DTNB: variants seen among roughly 807,000 people sequenced by gnomAD.
The protein encoded by DTNB is dystrobrevin beta, also known as DTN-B.
DTNB carries 63 observed loss-of-function variants against 90.7 expected under a neutral mutation model. That is an observed-to-expected ratio of 0.69 (90% CI 0.57 to 0.86). DTNB has a LOEUF of 0.86. DTNB is among the 40% of genes least tolerant of loss of function. The probability of loss-of-function intolerance (pLI) is 0.00; values close to 1 mark genes in which losing one functional copy is unlikely to be tolerated. For synonymous variants in DTNB, 277 were observed against 286.7 expected (o/e 0.97, Z 0.34); for missense variants, 744 against 807.1 (o/e 0.92, Z 0.95).
chr2:25,488,138 G>T (rs1025124920), intron 9 of DTNB, among the ~76,000 whole-genome samples: 5 of 152,130 alleles, frequency 3.3e-5, no homozygotes, highest in African/African-American at 1.2e-4. Flanking sequence ...TATCATGTAG[G>T]ATATATTGGG....
At chr2:25,436,584 A>G (rs1359925597) in intron 12 of DTNB, among the ~76,000 whole-genome samples, 1 of 152,228 alleles carries the variant, frequency 6.6e-6, no homozygotes, top group Admixed American at 6.5e-5. Context: ...ACAGCATAGC[A>G]AATCTGGGTA....
At chr2:25,481,297 C>T (rs2064889600) in intron 10 of DTNB, among the ~76,000 whole-genome samples, 1 of 151,000 alleles carries the variant, frequency 6.6e-6, no homozygotes, top group African/African-American at 2.4e-5. Context: ...TCCAGCTAGT[C>T]GGGAGGCTGA....
At chr2:25,483,058 G>C (rs984964708) in intron 9 of DTNB, among the ~76,000 whole-genome samples, 185 bp from the exon 10 acceptor site, 3 of 151,778 alleles carry the variant, frequency 2.0e-5, no homozygotes, top group African/African-American at 7.3e-5. Context: ...CCCATGGAGG[G>C]GGGGAACCCT....
At chr2:25,411,458 C>T (rs1189055614) in intron 16 of DTNB, among the ~76,000 whole-genome samples, 1 of 152,126 alleles carries the variant, frequency 6.6e-6, no homozygotes. Flanking sequence ...CAGGTCCCTA[C>T]GGTGAGTACA....
chr2:25,518,402 T>C (rs945297495), intron 9 of DTNB, among the ~76,000 whole-genome samples: 1 of 152,162 alleles, frequency 6.6e-6, no homozygotes, highest in Non-Finnish European at 1.5e-5. Flanking sequence ...TAAAGCTTGA[T>C]GGTTCTGAGT....
intron 1 of DTNB, among the ~76,000 whole-genome samples, chr2:25,672,587 G>T (rs182832588): frequency 6.6e-6 from 1 of 152,058 alleles, no homozygotes; most frequent in Non-Finnish European, 1.5e-5. Context: ...CCAAAACCAC[G>T]CAATTTATGG....
rs191347567 is a variant in DTNB at position 25,387,102 on chromosome 2, C to T, written c.1825+187G>A. 1.0e-3 allele frequency: 588 copies of T among 560,342 alleles called. No individual in the cohort carries two copies. Among genetic ancestry groups the T allele is most frequent in the South Asian group, 8.0e-4 (33 of 41,296 alleles). 34.7% of individuals were successfully genotyped at this position (560,342 alleles called of 1,614,324 possible). The stretch of plus-strand genomic sequence containing the variant: ...AGGCCTGAATGTGAAACCGCCCCTA[C>T]GCGATCCTGTGTGACAGAGGCTCTC... On this transcript the variant is annotated intron_variant, in intron 18 of 20. Coordinates refer to ENST00000406818, the MANE Select transcript of DTNB (RefSeq NM_021907.5). This position sits in a 1 kb window ranked among gnomAD's most constrained non-coding sequence, Gnocchi z 4.5.
At chr2:25,510,538 C>T (rs1382617134) in intron 9 of DTNB, among the ~76,000 whole-genome samples, 4 of 151,008 alleles carry the variant, frequency 2.6e-5, no homozygotes, top group East Asian at 1.9e-4. Context: ...GATGGAGTCT[C>T]GCTCTATTGC....
chr2:25,636,123 G>T (rs2077076882), intron 3 of DTNB, among the ~76,000 whole-genome samples: 1 of 152,068 alleles, frequency 6.6e-6, no homozygotes, highest in Non-Finnish European at 1.5e-5. Flanking sequence ...AATAAAAAGT[G>T]AAGGAACAAC....
At chr2:25,529,499 A>G (rs1225247260) in intron 9 of DTNB, among the ~76,000 whole-genome samples, 1 of 152,056 alleles carries the variant, frequency 6.6e-6, no homozygotes, top group Non-Finnish European at 1.5e-5. Context: ...AGGTTAACAG[A>G]TTTAACAAAA....
At chr2:25,402,397 C>T (rs990869055) in intron 16 of DTNB, among the ~76,000 whole-genome samples, 2 of 152,208 alleles carry the variant, frequency 1.3e-5, no homozygotes, top group Admixed American at 6.5e-5. Flanking sequence ...CCCTGCTTAG[C>T]AGAGGCGCCC....
At chr2:25,528,751 A>AT (rs1267358524) in intron 9 of DTNB, among the ~76,000 whole-genome samples, 1 of 152,218 alleles carries the variant, frequency 6.6e-6, no homozygotes, top group African/African-American at 2.4e-5. Flanking sequence ...CATGTAAAGT[A>AT]TATCTTAAAT....
intron 4 of DTNB, among the ~76,000 whole-genome samples, chr2:25,623,479 C>T (rs755420058): frequency 6.6e-6 from 1 of 152,180 alleles, no homozygotes; most frequent in Non-Finnish European, 1.5e-5. Context: ...GCTTACCCTA[C>T]TCTCCTATTA....
At chr2:25,550,421 C>CAA (rs201445140) in intron 8 of DTNB, among the ~76,000 whole-genome samples, 2 of 150,278 alleles carry the variant, frequency 1.3e-5, no homozygotes, top group African/African-American at 4.9e-5. Context: ...AACAAACAAA[C>CAA]AAAAAAAAAC....
intron 9 of DTNB, among the ~76,000 whole-genome samples, chr2:25,518,642 C>A (rs1004577310): frequency 6.6e-6 from 1 of 152,054 alleles, no homozygotes; most frequent in Non-Finnish European, 1.5e-5. Context: ...GAGGTTCAGG[C>A]AAAAACGTTA....
chr2:25,577,637 C>T (rs2060901385), intron 7 of DTNB, among the ~76,000 whole-genome samples: 1 of 152,068 alleles, frequency 6.6e-6, no homozygotes, highest in South Asian at 2.1e-4. Context: ...ACTATTTATA[C>T]TTTTAAATGT....
intron 8 of DTNB, among the ~76,000 whole-genome samples, chr2:25,549,889 G>A (rs1406888949): frequency 6.6e-6 from 1 of 152,016 alleles, no homozygotes; most frequent in Non-Finnish European, 1.5e-5. Flanking sequence ...GCGAACTCCT[G>A]AGCTCAAGTG....
chr2:25,391,295 G>C (rs2041044011), intron 16 of DTNB, among the ~76,000 whole-genome samples: 1 of 152,084 alleles, frequency 6.6e-6, no homozygotes, highest in African/African-American at 2.4e-5. Context: ...GTGCTTTGAA[G>C]AATACCATCA....
chr2:25,389,816 T>C (rs2040567896), intron 16 of DTNB, among the ~76,000 whole-genome samples: 1 of 151,670 alleles, frequency 6.6e-6, no homozygotes, highest in Non-Finnish European at 1.5e-5. Flanking sequence ...CAGAAATGGA[T>C]TGTTTTCTGT....
Sources: gnomAD v4.1 joint callset for allele counts (sites outside exome capture counted in the v4.1 genomes callset) on GRCh38, gnomAD v4.1.1 for gene constraint, Gnocchi (gnomAD v3.1) non-coding constraint, MANE v1.5 for transcripts, NCBI Gene and HGNC (gene_info 2026-07-23, HGNC 2026-07-21) for gene names.